FAM118A: variants seen among roughly 807,000 people sequenced by gnomAD.
FAM118A encodes SIR2 antiphage like 2.
Under a neutral mutation model 38.2 loss-of-function variants are expected in FAM118A, and 25 were observed. The ratio of observed to expected loss-of-function variants is 0.65; its 90% CI spans 0.48 to 0.91. The LOEUF is 0.91. Among genes scored for constraint, FAM118A ranks in the 40% least tolerant of loss-of-function variants. The probability of loss-of-function intolerance (pLI) is 0.00; values close to 1 mark genes in which losing one functional copy is unlikely to be tolerated. For missense variants in FAM118A, 425 were observed against 463.3 expected, an observed-to-expected ratio of 0.92 and a Z score of 0.76; for synonymous variants, 178 against 184.1, an observed-to-expected ratio of 0.97 and a Z score of 0.27.
At chr22:45,338,810 G>C (rs1298680162) in intron 8 of FAM118A, among the ~76,000 whole-genome samples, 3 of 152,180 alleles carry the variant, frequency 2.0e-5, no homozygotes, top group Non-Finnish European at 2.9e-5. Context: ...TCCTTCAGTG[G>C]GTATGCTGGA....
rs779745211 is a variant in FAM118A, at chr22:45,330,636, G to A, written c.556G>A (p.Gly186Ser). The change falls in exon 5 of 9, where the codon GGC (glycine) becomes AGC (serine). Residue 186 changes from glycine (G) to serine (S), a missense_variant. By Grantham distance (56) the Gly-to-Ser change is moderately conservative (BLOSUM62 0). Coordinates refer to ENST00000441876, the MANE Select transcript of FAM118A (RefSeq NM_017911.4). ...LEWARGHMKY[G>S]VLHIHGLYTD... ...ATGGGCAAGAGGGCACATGAAGTAC[G>A]GCGTCCTCCACATTCACGGCCTCTA... 1.5e-5 allele frequency: 24 copies of A among 1,590,462 alleles called. No individual in the cohort carries two copies. In the African/African-American group the frequency reaches 1.8e-4, roughly 12 times the overall value.
chr22:45,341,653 G>T lies in FAM118A; in HGVS notation c.*1248G>T, dbSNP rs924530364. ...GTGCCCGGGGAGCTTCTCTGACTGT[G>T]ACCCGGCAGAGGCTTCTGTGGCGGT... On this transcript the variant is annotated 3_prime_UTR_variant, in exon 9 of 9. Transcript: ENST00000441876. The T allele has an allele frequency of 3.3e-5, 5 of 152,248 alleles. No homozygotes were observed. The highest frequency in any genetic ancestry group is 7.2e-5 in the African/African-American group (3 of 41,432). The allele number at this position is 152,248 out of a possible 1,614,324, so 9.4% of individuals were successfully genotyped here. A position where few individuals can be genotyped will look rare whatever the true frequency, so the allele number is the denominator to read the frequency against.
At chr22:45,319,327 T>A (rs2084748382) in intron 1 of FAM118A, among the ~76,000 whole-genome samples, 1 of 152,094 alleles carries the variant, frequency 6.6e-6, no homozygotes, top group Non-Finnish European at 1.5e-5. Flanking sequence ...GAGTAACTAT[T>A]TGGAAGTGAT....
intron 3 of FAM118A, among the ~76,000 whole-genome samples, chr22:45,326,636 G>T (rs1163212742): frequency 6.6e-6 from 1 of 152,074 alleles, no homozygotes; most frequent in Non-Finnish European, 1.5e-5. Context: ...AGACCAGCCT[G>T]GCCAACATGG....
intron 1 of FAM118A, chr22:45,318,943 C>T (rs1041068282): frequency 6.6e-6 from 1 of 152,168 alleles, no homozygotes; most frequent in Non-Finnish European, 1.5e-5. Flanking sequence ...CCCAGGAGTG[C>T]GAGCTGTGGC....
intron 1 of FAM118A, among the ~76,000 whole-genome samples, chr22:45,320,390 C>A (rs1014068223): frequency 8.2e-5 from 12 of 146,052 alleles, no homozygotes; most frequent in African/African-American, 3.0e-4. Flanking sequence ...CAAAAAAAAA[C>A]AAACAAACAC....
Position 45,332,475 on chromosome 22 carries a change from T to C in FAM118A, c.702T>C (p.Cys234=). The C allele has an allele frequency of 1.2e-6, 2 of 1,614,224 alleles. No individual in the cohort carries two copies. Among genetic ancestry groups the C allele is most frequent in the Non-Finnish European group, 1.7e-6 (2 of 1,180,044 alleles). ...CCAAGTCCTTTCTGTTTGTGGGCTG[T>C]GGGGAGACCCTTCGTGATCAGATAT... The part of the protein sequence containing the change: ...YRTKSFLFVG[C]GETLRDQIFQ... The change falls in exon 6 of 9, where the codon TGT becomes TGC. Residue 234 remains cysteine (C), a synonymous_variant. Transcript: ENST00000441876.
At chr22:45,325,271 G>A (rs1206267059) in intron 3 of FAM118A, among the ~76,000 whole-genome samples, 3 of 152,286 alleles carry the variant, frequency 2.0e-5, no homozygotes, top group South Asian at 2.1e-4. Flanking sequence ...TCACTTTTGC[G>A]TGTTTTTGAA....
At chr22:45,330,807 A>G (rs555274878) in intron 5 of FAM118A, 76 bp downstream of exon 5, 2 of 1,409,702 alleles carry the variant, frequency 1.4e-6, no homozygotes. Context: ...GCTGCAGTTG[A>G]GTGGCTTCCC....
At chr22:45,333,543 G>A (rs6006989) in intron 6 of FAM118A, among the ~76,000 whole-genome samples, 66,285 of 151,534 alleles carry the variant, frequency 0.44, 18,509 homozygotes, top group African/African-American at 0.79. Context: ...GCATGGTGGC[G>A]GGCACCTGTA....
At position 45,312,147 on chromosome 22, in the gene FAM118A, G is replaced by A. The variant is rs56379321; in HGVS notation, c.-10+1964G>A. On this transcript the variant is annotated intron_variant, in intron 1 of 8. Transcript: ENST00000441876. ...AGAGATGTCTTCTGTGACCAAATGT[G>A]AGGAGAGGTTTCTCCCTGCCACCAA... Among the ~76,000 whole-genome samples the A allele has an allele frequency of 2.9e-3, 439 of 152,254 alleles. 2 individuals are homozygous for A. The highest frequency in any genetic ancestry group is 5.0e-3 in the Non-Finnish European group (343 of 68,022).
chr22:45,318,517 C>T (rs226491), intron 1 of FAM118A: 148,916 of 152,320 alleles, frequency 0.98, 72,809 homozygotes, highest in East Asian at 1. Context: ...GACCTGGTGC[C>T]GAGTGCTTTT....
chr22:45,331,151 T>C (rs1474440904), intron 5 of FAM118A, among the ~76,000 whole-genome samples: 2 of 152,106 alleles, frequency 1.3e-5, no homozygotes, highest in Non-Finnish European at 2.9e-5. Flanking sequence ...CTGCTCTCCT[T>C]CCTGTAGTTG....
Position 45,322,358 on chromosome 22 carries a change from T to G in FAM118A, c.-9-13T>G. On this transcript the variant is annotated splice_polypyrimidine_tract_variant and intron_variant, in intron 1 of 8. Coordinates refer to ENST00000441876, the MANE Select transcript of FAM118A (RefSeq NM_017911.4). Reference sequence around the variant, plus strand: ...GGAGACAGAAGTCACTTCTGACTAATTTTTCTCTTTAGAATTCACAGATGG... The same window carrying G: ...GGAGACAGAAGTCACTTCTGACTAAGTTTTCTCTTTAGAATTCACAGATGG... 6.2e-7 allele frequency: 1 copy of G among 1,605,894 alleles called. No individual in the cohort carries two copies. Among genetic ancestry groups the G allele is most frequent in the Non-Finnish European group, 8.5e-7 (1 of 1,177,470 alleles).
chr22:45,323,076 TAC>T (rs2084995481), intron 2 of FAM118A, 97 bp from the exon 3 acceptor site: 7 of 1,282,228 alleles, frequency 5.5e-6, no homozygotes, highest in East Asian at 2.4e-5. Flanking sequence ...TGTGTGTGTG[TAC>T]ACAGCACAAG....
chr22:45,335,208 C>T (rs2085998050), intron 6 of FAM118A, 142 bp from the exon 7 acceptor site: 3 of 799,314 alleles, frequency 3.8e-6, no homozygotes, highest in South Asian at 3.2e-5. Context: ...GCGAGCAGCG[C>T]AGGAGTCCGC....
In FAM118A at chr22:45,332,540, A is replaced by T; in HGVS notation, c.767A>T (p.Asp256Val). Residue 256 changes from aspartate (D) to valine (V), a missense_variant, in exon 6 of 9, where the codon GAT (aspartate) becomes GTT (valine). Physicochemically the swap from Asp to Val is radical, Grantham distance 152. Coordinates refer to ENST00000441876, the MANE Select transcript of FAM118A (RefSeq NM_017911.4). ...LFLYSVPNKV[D>V]LEHYMLVLKE... The stretch of plus-strand genomic sequence containing the variant: ...CTTTACTCCGTGCCGAATAAGGTGG[A>T]TTTGGAGCACTACATGCTTGTGCTG... 6.2e-7 allele frequency: 1 copy of T among 1,614,086 alleles called. No homozygotes were observed. Among genetic ancestry groups the T allele is most frequent in the South Asian group, 1.1e-5 (1 of 91,082 alleles).
chr22:45,332,305 T>A lies in FAM118A; in HGVS notation c.652-120T>A, dbSNP rs2085777758. On this transcript the variant is annotated intron_variant, in intron 5 of 8. Coordinates refer to ENST00000441876, the MANE Select transcript of FAM118A (RefSeq NM_017911.4). ...GTCCTTCTAACTGTGCTCCTCAGCG[T>A]GGCCCTGGGAACGCCTGTCAGGGAG... 18 of 1,013,100 alleles carry A rather than the reference T, an allele frequency of 1.8e-5. 1 individual carries two copies. The highest frequency in any genetic ancestry group is 2.4e-5 in the Non-Finnish European group (16 of 679,618). 62.8% of individuals were successfully genotyped at this position (1,013,100 alleles called of 1,614,324 possible).
At chr22:45,312,681 A>G (rs1325117425) in intron 1 of FAM118A, among the ~76,000 whole-genome samples, 2 of 152,166 alleles carry the variant, frequency 1.3e-5, no homozygotes, top group African/African-American at 4.8e-5. Context: ...CAAAATTGCT[A>G]TGGAACAGCT....
Sources: gnomAD v4.1 joint callset for allele counts (sites outside exome capture counted in the v4.1 genomes callset) on GRCh38, gnomAD v4.1.1 for gene constraint, MANE v1.5 for transcripts, NCBI Gene and HGNC (gene_info 2026-07-23, HGNC 2026-07-21) for gene names.